The following PRKG1 variants were observed in gnomAD, a reference collection of about 807,000 sequenced individuals.
PRKG1 encodes the protein protein kinase cGMP-dependent 1, also known as cGMP-dependent protein kinase 1.
Under a neutral mutation model 88.1 loss-of-function variants are expected in PRKG1, and 35 were observed. The observed-to-expected ratio is 0.40, with a 90% CI of 0.30 to 0.53. PRKG1 has a LOEUF of 0.53. PRKG1 is among the 20% of genes least tolerant of loss of function. PRKG1 has a pLI of 0.59. For synonymous variants in PRKG1, 303 were observed against 292.5 expected, an observed-to-expected ratio of 1.04 and a Z score of -0.37; for missense variants, 540 against 839.8, an observed-to-expected ratio of 0.64 and a Z score of 4.41.
chr10:51,417,089 T>C (rs1379645417), intron 2 of PRKG1, among the ~76,000 whole-genome samples: 2 of 152,226 alleles, frequency 1.3e-5, no homozygotes, highest in Admixed American at 1.3e-4. Context: ...TTTCTTAACA[T>C]ATTTTCACTT....
intron 3 of PRKG1, among the ~76,000 whole-genome samples, chr10:51,520,292 ATATT>A (rs1297219360): frequency 6.7e-6 from 1 of 149,276 alleles, no homozygotes; most frequent in African/African-American, 2.4e-5. Flanking sequence ...TATGAAATAT[ATATT>A]AAATTAAATA....
chr10:51,220,453 C>A (rs899950995), intron 2 of PRKG1, among the ~76,000 whole-genome samples: 1 of 152,034 alleles, frequency 6.6e-6, no homozygotes, highest in South Asian at 2.1e-4. Context: ...GGAAAAGAAA[C>A]AAAGACCAAA....
chr10:52,087,506 A>T (rs904931487), intron 7 of PRKG1, among the ~76,000 whole-genome samples: 1 of 151,886 alleles, frequency 6.6e-6, no homozygotes, highest in African/African-American at 2.4e-5. Context: ...ATTTGTTTTG[A>T]TTTTTATTTA....
intron 2 of PRKG1, among the ~76,000 whole-genome samples, chr10:51,224,653 C>T (rs1325525766): frequency 1.3e-5 from 2 of 152,156 alleles, no homozygotes; most frequent in African/African-American, 2.4e-5. Context: ...AACACATTTA[C>T]TTTCATTTTA....
chr10:51,947,776 T>C (rs376205092), intron 5 of PRKG1, among the ~76,000 whole-genome samples: 121 of 152,208 alleles, frequency 7.9e-4, no homozygotes, highest in African/African-American at 2.6e-3. Context: ...GGGGACTCCA[T>C]GGGGACTGAA....
chr10:51,770,032 C>T (rs987849466), intron 3 of PRKG1, among the ~76,000 whole-genome samples: 9 of 152,150 alleles, frequency 5.9e-5, no homozygotes, highest in African/African-American at 1.7e-4. Flanking sequence ...TATGTCTGTA[C>T]GACAGTTTCA....
intron 9 of PRKG1, among the ~76,000 whole-genome samples, chr10:52,193,080 C>T (rs1208231942): frequency 2.6e-5 from 4 of 152,050 alleles, no homozygotes; most frequent in Non-Finnish European, 5.9e-5. Flanking sequence ...GCAACAAAGG[C>T]TCTAGTTTTC....
chr10:51,352,901 AAAAC>A (rs1009346903), intron 2 of PRKG1, among the ~76,000 whole-genome samples: 6 of 152,230 alleles, frequency 3.9e-5, no homozygotes, highest in East Asian at 1.9e-4. Flanking sequence ...TGGTACTGGC[AAAAC>A]AAACAAACAA....
intron 3 of PRKG1, among the ~76,000 whole-genome samples, chr10:51,747,765 C>CT (rs1039292536): frequency 6.6e-6 from 1 of 151,772 alleles, no homozygotes; most frequent in Non-Finnish European, 1.5e-5. Context: ...GTACTTAGGA[C>CT]TTTTTTTTGG....
chr10:52,274,135 A>G (rs1459908300), intron 12 of PRKG1, among the ~76,000 whole-genome samples: 2 of 151,650 alleles, frequency 1.3e-5, no homozygotes, highest in African/African-American at 2.4e-5. Context: ...TTATTTTTTT[A>G]TTTTTTCATA....
chr10:52,148,957 C>CTTTTTTTTTTTTTTTTTT (rs71904885), intron 8 of PRKG1, among the ~76,000 whole-genome samples: 1 of 55,166 alleles, frequency 1.8e-5, no homozygotes, highest in African/African-American at 7.5e-5. Context: ...GATAGTTTTG[C>CTTTTTTTTTTTTTTTTTT]TTTTTTTTTT....
intron 5 of PRKG1, among the ~76,000 whole-genome samples, chr10:51,986,328 A>G (rs1215116669): frequency 2.6e-5 from 4 of 152,246 alleles, no homozygotes; most frequent in African/African-American, 9.6e-5. Flanking sequence ...TTCAAGAAAT[A>G]TCTCTTCTAA....
intron 1 of PRKG1, among the ~76,000 whole-genome samples, chr10:51,011,684 A>C (rs10822081): frequency 0.26 from 39,078 of 152,110 alleles, 5,139 homozygotes; most frequent in Admixed American, 0.31. Flanking sequence ...AAGGATTTGC[A>C]GCCACTTAAT....
intron 2 of PRKG1, among the ~76,000 whole-genome samples, chr10:51,263,167 T>C (rs1839756677): frequency 6.6e-6 from 1 of 152,222 alleles, no homozygotes; most frequent in Admixed American, 6.5e-5. Context: ...GGGTTTAATG[T>C]TCACCCCTTT....
chr10:51,836,166 G>T (rs1367545019), intron 4 of PRKG1, among the ~76,000 whole-genome samples: 1 of 152,056 alleles, frequency 6.6e-6, no homozygotes, highest in Non-Finnish European at 1.5e-5. Context: ...CATGGCACTG[G>T]CATCAAAGCA....
intron 5 of PRKG1, among the ~76,000 whole-genome samples, chr10:52,027,050 G>A: frequency 6.6e-6 from 1 of 152,174 alleles, no homozygotes; most frequent in Non-Finnish European, 1.5e-5. Flanking sequence ...TTGTGACTGT[G>A]TCTGCCCAGA....
At chr10:51,331,474 C>T (rs140672880) in intron 2 of PRKG1, among the ~76,000 whole-genome samples, 110 of 152,200 alleles carry the variant, frequency 7.2e-4, no homozygotes, top group African/African-American at 2.3e-3. Context: ...GTGGCAGACC[C>T]AGTGTTGGGG....
intron 12 of PRKG1, 22 bp downstream of exon 12, chr10:52,272,503 TATG>T (rs760761352): frequency 6.6e-7 from 1 of 1,523,320 alleles, no homozygotes; most frequent in Non-Finnish European, 9.1e-7. Context: ...AAGAAATTTC[TATG>T]ATATCTCTAA....
At chr10:51,383,508 T>C (rs993789240) in intron 2 of PRKG1, among the ~76,000 whole-genome samples, 1 of 152,180 alleles carries the variant, frequency 6.6e-6, no homozygotes, top group Non-Finnish European at 1.5e-5. Flanking sequence ...CACTTTGCAG[T>C]TGAGAAAACA....
Sources: allele counts gnomAD v4.1 joint callset (sites outside exome capture counted in the v4.1 genomes callset), GRCh38; gene constraint gnomAD v4.1.1; transcripts MANE v1.5; gene names NCBI Gene and HGNC (gene_info 2026-07-23, HGNC 2026-07-21).